ABCC11: variants seen among roughly 807,000 people sequenced by gnomAD.
ABCC11 encodes the protein ATP binding cassette subfamily C member 11, also known as ATP-binding cassette sub-family C member 11.
Under a neutral mutation model 149.3 loss-of-function variants are expected in ABCC11, and 135 were observed. The ratio of observed to expected loss-of-function variants is 0.90; its 90% CI spans 0.79 to 1.04. The LOEUF (loss-of-function observed/expected upper bound fraction) is 1.04, where lower values mean the gene tolerates loss of function less well. Ranked by LOEUF, ABCC11 falls within the 50% of genes least tolerant of loss-of-function variation. ABCC11 has a pLI of 0.00. For synonymous variants in ABCC11, 665 were observed against 671.4 expected, an observed-to-expected ratio of 0.99 and a Z score of 0.15; for missense variants, 1,680 against 1,722.1, an observed-to-expected ratio of 0.98 and a Z score of 0.43.
Position 48,200,379 on chromosome 16 carries a change from G to A in ABCC11, c.1979C>T (p.Pro660Leu), listed in dbSNP as rs764029698. The change falls in exon 15 of 30, where the codon CCC (proline) becomes CTC (leucine). Residue 660 changes from proline to leucine, a missense_variant. Pro to Leu is a moderately conservative substitution (Grantham distance 98, BLOSUM62 -3). Coordinates refer to ENST00000356608, the MANE Select transcript of ABCC11 (RefSeq NM_001370497.1). ...CACGTGGGCGTCCACAGCAGACAGG[G>A]GGTCGTCCAGCAGGTAGATCTGACG... ...SDRQIYLLDD[P>L]LSAVDAHVGK... The A allele has an allele frequency of 1.9e-6, 3 of 1,614,266 alleles. No individual in the cohort carries two copies. Among genetic ancestry groups the A allele is most frequent in the Non-Finnish European group, 2.5e-6 (3 of 1,180,044 alleles).
rs779351943 is a variant in ABCC11 at position 48,214,925 on chromosome 16, C to G, written c.1204G>C (p.Val402Leu). The G allele has an allele frequency of 2.5e-6, 4 of 1,614,146 alleles. No individual in the cohort carries two copies. The East Asian group carries it at 6.7e-5, about 27-fold the overall frequency. Residue 402 changes from valine (V) to leucine (L), a missense_variant, in exon 9 of 30, where the codon GTT (valine) becomes CTT (leucine). By Grantham distance (32) the Val-to-Leu change is conservative. Transcript: ENST00000356608. Reference sequence around the variant, plus strand: ...AGCTTTAAGGATGTGTGGATGAGAACCCAGACCGCTGTGGCCACTGTGGGG... The same window carrying G: ...AGCTTTAAGGATGTGTGGATGAGAAGCCAGACCGCTGTGGCCACTGTGGGG... Reference protein sequence around the residue: ...IIPTVATAVWVLIHTSLKLKL... With the variant: ...IIPTVATAVWLLIHTSLKLKL...
chr16:48,231,906 T>C lies in ABCC11; in HGVS notation c.16A>G (p.Thr6Ala). 1.9e-6 allele frequency: 3 copies of C among 1,614,136 alleles called. No homozygotes were observed. Among genetic ancestry groups the C allele is most frequent in the Non-Finnish European group, 2.5e-6 (3 of 1,180,010 alleles). ...CCAGAAGAGTTGGGCACCCAGTATG[T>C]CCTCTTCCTAGTCATTTTCAGTTCC... MTRKR[T>A]YWVPNSSGGL... Residue 6 changes from threonine (T) to alanine (A), a missense_variant, in exon 2 of 30, where the codon ACA (threonine) becomes GCA (alanine). Physicochemically the swap from Thr to Ala is moderately conservative, Grantham distance 58. Coordinates refer to ENST00000356608, the MANE Select transcript of ABCC11 (RefSeq NM_001370497.1).
At chr16:48,230,641 A>T in intron 2 of ABCC11, 68 bp from the exon 3 acceptor site, 1 of 1,407,872 alleles carries the variant, frequency 7.1e-7, no homozygotes, top group Non-Finnish European at 9.4e-7. Context: ...GGAATGTTGG[A>T]CCAGCTGCCC....
At chr16:48,176,462 T>A (rs991713644) in intron 25 of ABCC11, among the ~76,000 whole-genome samples, 1 of 151,614 alleles carries the variant, frequency 6.6e-6, no homozygotes, top group African/African-American at 2.4e-5. Flanking sequence ...GTGAGAGCAG[T>A]CCAGGAAGGG....
downstream of ABCC11, chr16:48,165,253 C>T (rs1965295762): frequency 6.6e-6 from 1 of 152,164 alleles, no homozygotes; most frequent in Non-Finnish European, 1.5e-5. Context: ...TTCCCAGGGA[C>T]ACTTCAGGGC....
chr16:48,234,452 A>G (rs1253487224), intron 1 of ABCC11, among the ~76,000 whole-genome samples: 1 of 152,164 alleles, frequency 6.6e-6, no homozygotes, highest in Non-Finnish European at 1.5e-5. Flanking sequence ...GTCATGAGGC[A>G]GTATGAACAG....
In ABCC11 at chr16:48,216,121, G is replaced by A. The variant is rs773713636; in HGVS notation, c.944C>T (p.Pro315Leu). 5.1e-5 allele frequency: 83 copies of A among 1,613,732 alleles called. No homozygotes were observed. Among genetic ancestry groups the A allele is most frequent in the Non-Finnish European group, 6.4e-5 (76 of 1,179,932 alleles). ...IAILCYLLVFPLAVFMTRMAV... is the reference protein window; with the variant it reads ...IAILCYLLVFLLAVFMTRMAV... Reference sequence around the variant, plus strand: ...GACAGAGAAAGACATTACCGCCAGTGGGAAAACCAGGAGATAGCATAAGAT... The same window carrying A: ...GACAGAGAAAGACATTACCGCCAGTAGGAAAACCAGGAGATAGCATAAGAT... Residue 315 changes from proline (P) to leucine (L), a missense_variant, in exon 7 of 30, where the codon CCA becomes CTA. Coordinates refer to ENST00000356608, the MANE Select transcript of ABCC11 (RefSeq NM_001370497.1).
At chr16:48,239,165 G>A (rs1016143188) in intron 1 of ABCC11, among the ~76,000 whole-genome samples, 1 of 152,072 alleles carries the variant, frequency 6.6e-6, no homozygotes, top group African/African-American at 2.4e-5. Flanking sequence ...ATAGTGCTGG[G>A]AGAACTGGTT....
chr16:48,217,706 G>C (rs1969443949), intron 6 of ABCC11, among the ~76,000 whole-genome samples: 2 of 152,176 alleles, frequency 1.3e-5, no homozygotes, highest in East Asian at 3.8e-4. Context: ...AAAGTGATTT[G>C]CTTTTAACTT....
intron 22 of ABCC11, among the ~76,000 whole-genome samples, chr16:48,186,196 T>C (rs1340150622): frequency 1.3e-5 from 2 of 152,140 alleles, no homozygotes; most frequent in Non-Finnish European, 2.9e-5. Context: ...ACTGAGCACA[T>C]ACCGTCTCCC....
chr16:48,210,945 T>C lies in ABCC11; in HGVS notation c.1608+3A>G, dbSNP rs762201758. 6.2e-7 allele frequency: 1 copy of C among 1,613,554 alleles called. No individual in the cohort carries two copies. The highest frequency in any genetic ancestry group is 8.5e-7 in the Non-Finnish European group (1 of 1,179,488). The stretch of plus-strand genomic sequence containing the variant: ...CCTGCCTGCGTGGCCTGAACAAGGC[T>C]ACCTTGGACACCACCAGGTTGATCT... On this transcript the variant is annotated splice_donor_region_variant and intron_variant, in intron 11 of 29. Transcript: ENST00000356608.
Position 48,200,458 on chromosome 16 carries a change from G to A in ABCC11, c.1900C>T (p.Leu634Phe), listed in dbSNP as rs755800220. Residue 634 changes from leucine to phenylalanine, a missense_variant, in exon 15 of 30, where the codon CTC becomes TTC. Coordinates refer to ENST00000356608, the MANE Select transcript of ABCC11 (RefSeq NM_001370497.1). ...ATCCTCTGTTTCTGCCCCCCAGAGA[G>A]GTTGAGGCCCCGCTCTCCAATCTGC... The part of the protein sequence containing the change: ...MTEIGERGLN[L>F]SGGQKQRISL... The A allele has an allele frequency of 1.2e-6, 2 of 1,614,186 alleles. No individual in the cohort carries two copies. The highest frequency in any genetic ancestry group is 3.3e-5 in the Admixed American group (2 of 60,032).
At chr16:48,232,111 T>C in intron 1 of ABCC11, 172 bp from the exon 2 acceptor site, 1 of 1,356,686 alleles carries the variant, frequency 7.4e-7, no homozygotes, top group Non-Finnish European at 9.5e-7. Flanking sequence ...TGATCCCTCT[T>C]TTTAAACATC....
rs1299214667 is a variant in ABCC11, at chr16:48,227,938, T to C, written c.263A>G (p.Asn88Ser). ...PRFPAPQPLD[N>S]AGLFSYLTVS... ...GGTGAGGTAGGAGAACAGGCCAGCA[T>C]TGTCCAGGGGCTGGGGGGCAGGAAA... The change falls in exon 4 of 30, where the codon AAT (asparagine) becomes AGT (serine). Residue 88 changes from asparagine to serine, a missense_variant. By Grantham distance (46) the Asn-to-Ser change is conservative. Coordinates refer to ENST00000356608, the MANE Select transcript of ABCC11 (RefSeq NM_001370497.1). The C allele has an allele frequency of 1.2e-6, 2 of 1,613,616 alleles. No homozygotes were observed.
chr16:48,173,625 G>T (rs1965852851), intron 26 of ABCC11, among the ~76,000 whole-genome samples: 1 of 152,072 alleles, frequency 6.6e-6, no homozygotes. Context: ...TGTTTTGTGT[G>T]GGGGCGGGGA....
At chr16:48,242,532 C>T (rs1971022117) in intron 1 of ABCC11, among the ~76,000 whole-genome samples, 1 of 152,138 alleles carries the variant, frequency 6.6e-6, no homozygotes, top group Admixed American at 6.6e-5. Flanking sequence ...TTGACCCAGC[C>T]ATCCCATTGC....
At chr16:48,169,994 C>T in intron 28 of ABCC11, 111 bp downstream of exon 28, 4 of 714,998 alleles carry the variant, frequency 5.6e-6, no homozygotes, top group South Asian at 5.2e-5. Context: ...TTAAGACGTA[C>T]ACCACAGAGC....
chr16:48,181,107 G>A (rs1333981625), intron 23 of ABCC11, among the ~76,000 whole-genome samples: 2 of 152,212 alleles, frequency 1.3e-5, no homozygotes, highest in Non-Finnish European at 2.9e-5. Flanking sequence ...GGCAACCTTC[G>A]CCCTGAGCGT....
In ABCC11 at chr16:48,217,501, C is replaced by T. The variant is rs780536696; in HGVS notation, c.778-1214G>A. On this transcript the variant is annotated intron_variant, in intron 6 of 29. Transcript: ENST00000356608. ...GTCCCAGCTTCTCAGGAGGCTGAGG[C>T]GGGAGGATTACTTGAGCCCGGCAGA... 1.1e-4 allele frequency among the ~76,000 whole-genome samples: 16 copies of T among 152,152 alleles called. 1 individual carries two copies. In the East Asian group the frequency reaches 1.2e-3, roughly 11 times the overall value.
Sources: gnomAD v4.1 joint callset for allele counts (sites outside exome capture counted in the v4.1 genomes callset) on GRCh38, gnomAD v4.1.1 for gene constraint, MANE v1.5 for transcripts, NCBI Gene and HGNC (gene_info 2026-07-23, HGNC 2026-07-21) for gene names.